SCIN: variants seen among roughly 807,000 people sequenced by gnomAD.
SCIN encodes adseverin.
In SCIN, 91 loss-of-function variants were observed where a neutral mutation model predicts 91.8. The observed-to-expected ratio is 0.99, with a 90% CI of 0.84 to 1.18. SCIN has a LOEUF of 1.18. Among genes scored for constraint, SCIN ranks in the 50% most tolerant of loss-of-function variants. The pLI is 0.00. For missense variants in SCIN, 1,087 were observed against 863.9 expected, an observed-to-expected ratio of 1.26 and a Z score of -3.24; for synonymous variants, 367 against 312.6, an observed-to-expected ratio of 1.17 and a Z score of -1.84.
chr7:12,633,419 A>G (rs917561581), intron 9 of SCIN, among the ~76,000 whole-genome samples: 1 of 152,248 alleles, frequency 6.6e-6, no homozygotes, highest in Non-Finnish European at 1.5e-5. Flanking sequence ...ATACAATTTC[A>G]GAATTAGAAA....
rs552172586 is a variant in SCIN at position 12,654,347 on chromosome 7, C to T, written c.*1632C>T. ...GCAGGCATGAGATTTCTCAGCCTTA[C>T]TTCAACTTGATTATGACCATGTGAC... On this transcript the variant is annotated 3_prime_UTR_variant, in exon 16 of 16. Transcript: ENST00000297029. 1.3e-5 allele frequency: 2 copies of T among 152,126 alleles called. No homozygotes were observed. The highest frequency in any genetic ancestry group is 4.1e-4 in the South Asian group (2 of 4,828). The allele number at this position is 152,126 out of a possible 1,614,324, so 9.4% of individuals were successfully genotyped here.
rs776382366 is a variant in SCIN at position 12,644,723 on chromosome 7, T to C, written c.1881+18T>C. ...GATTTGTTGTAAGTGTCCTTAAAAA[T>C]AGTGCGATAGGGCTGGTTGCGGTGG... is the stretch of plus-strand genomic sequence containing the variant. On this transcript the variant is annotated intron_variant, in intron 13 of 15. Transcript: ENST00000297029. 1.3e-6 allele frequency: 2 copies of C among 1,550,186 alleles called. No homozygotes were observed. Among genetic ancestry groups the C allele is most frequent in the Non-Finnish European group, 8.7e-7 (1 of 1,146,670 alleles).
chr7:12,625,901 A>C, intron 7 of SCIN, 51 bp downstream of exon 7: 1 of 1,326,352 alleles, frequency 7.5e-7, no homozygotes. Context: ...ATTGGAGCTC[A>C]TGACATCTCC....
chr7:12,593,756 G>A (rs1782777199), intron 3 of SCIN, among the ~76,000 whole-genome samples: 1 of 152,136 alleles, frequency 6.6e-6, no homozygotes, highest in Non-Finnish European at 1.5e-5. Context: ...GCCAGGGTCT[G>A]TGGGTTGGTA....
chr7:12,603,065 T>G (rs1209161287), intron 3 of SCIN, among the ~76,000 whole-genome samples: 1 of 152,166 alleles, frequency 6.6e-6, no homozygotes, highest in Non-Finnish European at 1.5e-5. Context: ...CCGCAACAGT[T>G]TCTTTTGTTT....
In SCIN at chr7:12,636,135, G is replaced by A. The variant is rs756829862; in HGVS notation, c.1410G>A (p.Gln470=). ...GGTCCCTTGGAGGACAGGCTGTGCA[G>A]GTTGGGATATTTTTACCCCCAAAAC... is the stretch of plus-strand genomic sequence containing the variant. The part of the protein sequence containing the change: ...LDRSLGGQAV[Q]IRVSQGKEPV... Residue 470 remains glutamine (Q), a splice_region_variant and synonymous_variant, in exon 10 of 16, where the codon CAG becomes CAA. Coordinates refer to ENST00000297029, the MANE Select transcript of SCIN (RefSeq NM_001112706.3). 6 of 1,610,578 alleles carry A rather than the reference G, an allele frequency of 3.7e-6. No homozygotes were observed. Among genetic ancestry groups the A allele is most frequent in the Non-Finnish European group, 5.1e-6 (6 of 1,178,168 alleles).
intron 3 of SCIN, among the ~76,000 whole-genome samples, chr7:12,583,999 A>C (rs1388812869): frequency 6.6e-6 from 1 of 152,158 alleles, no homozygotes; most frequent in African/African-American, 2.4e-5. Context: ...TCCTATACTC[A>C]AAAGGGATAC....
In SCIN at chr7:12,570,869, A is replaced by T. The variant is rs967080978; in HGVS notation, c.83A>T (p.Glu28Val). 6.4e-7 allele frequency: 1 copy of T among 1,551,562 alleles called. No homozygotes were observed. The change falls in exon 1 of 16, where the codon GAG becomes GTG. Residue 28 changes from glutamate to valine, a missense_variant. By Grantham distance (121) the Glu-to-Val change is moderately radical (BLOSUM62 -2). Transcript: ENST00000297029. Reference sequence around the variant, plus strand: ...CAGGTCTGGAGGATTGAGAAGCTGGAGCTGGTGCCCGTGCCCCAGAGCGCT... The same window carrying T: ...CAGGTCTGGAGGATTGAGAAGCTGGTGCTGGTGCCCGTGCCCCAGAGCGCT... ...GLQVWRIEKL[E>V]LVPVPQSAHG...
Position 12,651,867 on chromosome 7 carries a change from T to C in SCIN, c.1986T>C (p.Ala662=), listed in dbSNP as rs746394892. Residue 662 remains alanine (A), a synonymous_variant, in exon 15 of 16, where the codon GCT becomes GCC. Coordinates refer to ENST00000297029, the MANE Select transcript of SCIN (RefSeq NM_001112706.3). The surrounding 1 kb of genome is among the most constrained non-coding windows in gnomAD (Gnocchi z 5.9). The stretch of plus-strand genomic sequence containing the variant: ...TATTTATTTGGATTGGCAAAGATGC[T>C]AATGAAGTTGAGAAAAAAGAATCTC... ...EQIFIWIGKD[A]NEVEKKESLK... The C allele has an allele frequency of 2.3e-5, 37 of 1,601,402 alleles. No homozygotes were observed. Among genetic ancestry groups the C allele is most frequent in the Non-Finnish European group, 2.9e-5 (34 of 1,171,746 alleles).
In SCIN at chr7:12,595,039, G is replaced by C. The variant is rs914583230; in HGVS notation, c.517-9475G>C. On this transcript the variant is annotated intron_variant, in intron 3 of 15. Transcript: ENST00000297029. Reference sequence around the variant, plus strand: ...GTTGGCTGGGTAAGGGATGATAGGAGAGAGAGAGAGAGAATCCTCTAAGGA... The same window carrying C: ...GTTGGCTGGGTAAGGGATGATAGGACAGAGAGAGAGAGAATCCTCTAAGGA... 2.6e-5 allele frequency among the ~76,000 whole-genome samples: 4 copies of C among 151,924 alleles called. No individual in the cohort carries two copies. The South Asian group carries it at 8.3e-4, about 32-fold the overall frequency.
At chr7:12,625,394 T>A (rs1783495049) in intron 6 of SCIN, among the ~76,000 whole-genome samples, 1 of 150,616 alleles carries the variant, frequency 6.6e-6, no homozygotes, top group African/African-American at 2.4e-5. Context: ...TCCTGTATTG[T>A]TAAATACACT....
Position 12,652,000 on chromosome 7 carries a change from C to CA in SCIN, c.2020+103dup. On this transcript the variant is annotated intron_variant, in intron 15 of 15. Transcript: ENST00000297029. The surrounding 1 kb of genome is among the most constrained non-coding windows in gnomAD (Gnocchi z 5.9). ...CACCATGTCTTACAAAAATACATTT[C>CA]AAAATCAAGAAGTAGCTTAGCATTC... 1 of 765,962 alleles carries CA rather than the reference C, an allele frequency of 1.3e-6. No individual in the cohort carries two copies. The highest frequency in any genetic ancestry group is 2.8e-5 in the East Asian group (1 of 36,068). 47.4% of individuals were successfully genotyped at this position (765,962 alleles called of 1,614,324 possible).
chr7:12,622,013 A>G (rs1184748362), intron 4 of SCIN, among the ~76,000 whole-genome samples: 2 of 151,852 alleles, frequency 1.3e-5, no homozygotes, highest in Non-Finnish European at 2.9e-5. Flanking sequence ...TATTATAAAA[A>G]TTAAATTATT....
intron 10 of SCIN, among the ~76,000 whole-genome samples, chr7:12,638,732 G>A (rs1355937259): frequency 2.0e-5 from 3 of 152,114 alleles, no homozygotes; most frequent in Non-Finnish European, 4.4e-5. Flanking sequence ...ATACAAGTTA[G>A]TAGATACAAA....
intron 4 of SCIN, 102 bp downstream of exon 4, chr7:12,604,765 G>C (rs1258828505): frequency 4.0e-6 from 4 of 991,600 alleles, no homozygotes; most frequent in Non-Finnish European, 5.8e-6. Context: ...GGAAGAAGGG[G>C]AAAGAGATTC....
chr7:12,626,848 T>TA, intron 8 of SCIN, 49 bp downstream of exon 8: 1 of 1,489,902 alleles, frequency 6.7e-7, no homozygotes, highest in Non-Finnish European at 9.2e-7. Context: ...CCAGTGTATG[T>TA]AGGGGGAGGG....
rs1450321648 is a variant in SCIN at position 12,639,948 on chromosome 7, C to G, written c.1411-399C>G. The stretch of plus-strand genomic sequence containing the variant: ...TCCAAAACACGTGAGATTCTAGTAC[C>G]TCTGTAAATATCTGTAAGTGTTACT... On this transcript the variant is annotated intron_variant, in intron 10 of 15. Transcript: ENST00000297029. 2.0e-5 allele frequency among the ~76,000 whole-genome samples: 3 copies of G among 152,148 alleles called. No individual in the cohort carries two copies. The East Asian group carries it at 5.8e-4, about 29-fold the overall frequency.
chr7:12,599,684 T>G (rs1054917601), intron 3 of SCIN, among the ~76,000 whole-genome samples: 1 of 151,370 alleles, frequency 6.6e-6, no homozygotes, highest in African/African-American at 2.4e-5. Context: ...CAACATCTGT[T>G]TTTTTTTTAT....
rs77256541 is a variant in SCIN at position 12,622,587 on chromosome 7, A to G, written c.667-214A>G. Among the ~76,000 whole-genome samples, 12,936 of 152,094 alleles carry G rather than the reference A, an allele frequency of 0.085. 780 individuals are homozygous for G. Among genetic ancestry groups the G allele is most frequent in the African/African-American group, 0.17 (7,222 of 41,446 alleles). On this transcript the variant is annotated intron_variant, in intron 4 of 15. Coordinates refer to ENST00000297029, the MANE Select transcript of SCIN (RefSeq NM_001112706.3). ...TTGAAATTCATTGTTTGAGGTTGCA[A>G]ACAAGCAACCTCAGTGCTTGTTTAC...
Sources: allele counts gnomAD v4.1 joint callset (sites outside exome capture counted in the v4.1 genomes callset), GRCh38; gene constraint gnomAD v4.1.1; non-coding constraint Gnocchi (gnomAD v3.1); transcripts MANE v1.5; gene names NCBI Gene and HGNC (gene_info 2026-07-23, HGNC 2026-07-21).